Variants in DENND1B observed in about 807,000 individuals in gnomAD.
The protein encoded by DENND1B is DENN domain-containing protein 1B.
Under a neutral mutation model 90.1 loss-of-function variants are expected in DENND1B, and 59 were observed. The observed-to-expected ratio is 0.65, with a 90% confidence interval of 0.53 to 0.81. The LOEUF (loss-of-function observed/expected upper bound fraction) is 0.81. DENND1B is among the 40% of genes least tolerant of loss of function. The pLI, the probability that DENND1B is intolerant of heterozygous loss-of-function variation, is 0.00. For missense variants in DENND1B, 862 were observed against 912.6 expected, an observed-to-expected ratio of 0.94 and a Z score of 0.71; for synonymous variants, 337 against 324.6, an observed-to-expected ratio of 1.04 and a Z score of -0.41.
At chr1:197,558,593 A>C (rs910977303) in intron 15 of DENND1B, among the ~76,000 whole-genome samples, 1 of 151,842 alleles carries the variant, frequency 6.6e-6, no homozygotes, top group African/African-American at 2.4e-5. Context: ...ATATAAAATC[A>C]TTAATAATTA....
At chr1:197,642,582 A>T (rs1680357915) in intron 10 of DENND1B, 129 bp downstream of exon 10, 1 of 561,742 alleles carries the variant, frequency 1.8e-6, no homozygotes, top group Admixed American at 3.7e-5. Context: ...GATTAAAACC[A>T]TACATCAAAA....
At chr1:197,536,353 G>C (rs978969090) in intron 20 of DENND1B, among the ~76,000 whole-genome samples, 3 of 151,992 alleles carry the variant, frequency 2.0e-5, no homozygotes, top group Non-Finnish European at 4.4e-5. Flanking sequence ...TATTTAATTT[G>C]TGAGTTTGCT....
intron 2 of DENND1B, among the ~76,000 whole-genome samples, chr1:197,740,975 TTAG>T (rs753902029): frequency 2.0e-5 from 3 of 152,094 alleles, no homozygotes; most frequent in Non-Finnish European, 4.4e-5. Flanking sequence ...ATAAGTAAAT[TTAG>T]TAGATCAAAA....
At chr1:197,551,599 T>C (rs1198661957) in intron 16 of DENND1B, among the ~76,000 whole-genome samples, 1 of 152,118 alleles carries the variant, frequency 6.6e-6, no homozygotes, top group Non-Finnish European at 1.5e-5. Flanking sequence ...CCTGGACCAA[T>C]GGTTAAGACT....
intron 20 of DENND1B, among the ~76,000 whole-genome samples, chr1:197,527,097 G>T (rs889542135): frequency 6.6e-6 from 1 of 152,030 alleles, no homozygotes; most frequent in Non-Finnish European, 1.5e-5. Context: ...TTAACAATAT[G>T]GAGAGTGTAT....
intron 15 of DENND1B, among the ~76,000 whole-genome samples, chr1:197,570,528 A>C (rs898305917): frequency 1.3e-5 from 2 of 152,206 alleles, no homozygotes; most frequent in Non-Finnish European, 2.9e-5. Context: ...AAATTACATA[A>C]ACATTTGATA....
chr1:197,520,926 T>C (rs1022728096), intron 20 of DENND1B, among the ~76,000 whole-genome samples: 2 of 151,878 alleles, frequency 1.3e-5, no homozygotes, highest in Non-Finnish European at 2.9e-5. Context: ...TAACAAGGGA[T>C]GCTTGCTAAG....
At chr1:197,691,732 T>G (rs915363532) in intron 3 of DENND1B, among the ~76,000 whole-genome samples, 1 of 151,872 alleles carries the variant, frequency 6.6e-6, no homozygotes, top group African/African-American at 2.4e-5. Flanking sequence ...GATGAATGGA[T>G]AGTGAAAATG....
At chr1:197,629,814 G>A (rs1001523472) in intron 10 of DENND1B, among the ~76,000 whole-genome samples, 4 of 151,996 alleles carry the variant, frequency 2.6e-5, no homozygotes, top group Non-Finnish European at 5.9e-5. Context: ...ATAAGAGCCT[G>A]TTATCCAAAA....
intron 14 of DENND1B, among the ~76,000 whole-genome samples, chr1:197,592,195 G>GA (rs1353158271): frequency 1.9e-4 from 28 of 151,208 alleles, no homozygotes; most frequent in African/African-American, 6.3e-4. Flanking sequence ...GAGGGACCGT[G>GA]AAAAAAACAG....
intron 2 of DENND1B, among the ~76,000 whole-genome samples, chr1:197,716,640 A>C (rs1439901092): frequency 1.3e-5 from 2 of 151,922 alleles, no homozygotes; most frequent in African/African-American, 4.8e-5. Flanking sequence ...TATTAAATGA[A>C]AGTTTTTATC....
chr1:197,515,038 A>T (rs1668299853), intron 20 of DENND1B, among the ~76,000 whole-genome samples: 1 of 151,704 alleles, frequency 6.6e-6, no homozygotes, highest in South Asian at 2.1e-4. Context: ...CCAGAGAGGA[A>T]TAACTTTCTG....
intron 10 of DENND1B, among the ~76,000 whole-genome samples, chr1:197,629,729 T>C (rs2125893594): frequency 6.6e-6 from 1 of 151,970 alleles, no homozygotes; most frequent in African/African-American, 2.4e-5. Flanking sequence ...ATTTTTGTTC[T>C]GTGAAAAACA....
At chr1:197,721,065 A>ATTTTTTTTTTTTTTTTTTTT (rs11371047) in intron 2 of DENND1B, among the ~76,000 whole-genome samples, 1 of 98,970 alleles carries the variant, frequency 1.0e-5, no homozygotes, top group Non-Finnish European at 1.9e-5. Flanking sequence ...GAGAAACGGC[A>ATTTTTTTTTTTTTTTTTTTT]TTTTTTTTTT....
chr1:197,520,818 C>G (rs929648710), intron 20 of DENND1B, among the ~76,000 whole-genome samples: 1 of 151,786 alleles, frequency 6.6e-6, no homozygotes, highest in South Asian at 2.1e-4. Flanking sequence ...CTCCTAGGGC[C>G]TAAACACACA....
rs1442666666 is a variant in DENND1B at position 197,558,079 on chromosome 1, CAAT to C, written c.1150-4970_1150-4968del. Among the ~76,000 whole-genome samples the C allele has an allele frequency of 1.8e-4, 28 of 151,682 alleles. 1 individual carries two copies. In the South Asian group the frequency reaches 5.8e-3, roughly 32 times the overall value. ...TAATGACAAATAGCATTGTTAATAA[CAAT>C]AAAAGTGACATCGATATAACATAAA... On this transcript the variant is annotated intron_variant, in intron 15 of 22. Coordinates refer to ENST00000620048, the MANE Select transcript of DENND1B (RefSeq NM_001195215.2).
the DENND1B span, among the ~76,000 whole-genome samples, chr1:197,781,131 G>A: frequency 6.6e-6 from 1 of 151,946 alleles, no homozygotes; most frequent in Non-Finnish European, 1.5e-5. Context: ...ACTCTAGAAT[G>A]GTATTTTTAA....
At chr1:197,688,244 C>A (rs1378724735) in intron 3 of DENND1B, among the ~76,000 whole-genome samples, 1 of 152,060 alleles carries the variant, frequency 6.6e-6, no homozygotes, top group Non-Finnish European at 1.5e-5. Context: ...AGCCATAATA[C>A]ATAAAGCAAT....
At chr1:197,688,732 T>C (rs1324787057) in intron 3 of DENND1B, 1 of 152,478 alleles carries the variant, frequency 6.6e-6, no homozygotes, top group Non-Finnish European at 1.5e-5. Context: ...ACAGGTGTCA[T>C]GAAAACTACC....
Sources: gnomAD v4.1 joint callset for allele counts (sites outside exome capture counted in the v4.1 genomes callset) on GRCh38, gnomAD v4.1.1 for gene constraint, MANE v1.5 for transcripts, NCBI Gene and HGNC (gene_info 2026-07-23, HGNC 2026-07-21) for gene names.